The following ARHGEF18 variants were observed in gnomAD, a reference collection of about 807,000 sequenced individuals.
ARHGEF18 encodes rho guanine nucleotide exchange factor 18.
Under a neutral mutation model 155.7 loss-of-function variants are expected in ARHGEF18, and 93 were observed. The ratio of observed to expected loss-of-function variants is 0.60; its 90% CI spans 0.50 to 0.71. The LOEUF is 0.71. Among genes scored for constraint, ARHGEF18 ranks in the 30% least tolerant of loss-of-function variants. ARHGEF18 has a pLI of 0.00. For missense variants in ARHGEF18, 1,593 were observed against 1,816.1 expected (o/e 0.88, Z 2.23); for synonymous variants, 742 against 753.1 (o/e 0.99, Z 0.24).
the ARHGEF18 span, among the ~76,000 whole-genome samples, chr19:7,479,674 C>T: frequency 6.6e-6 from 1 of 152,236 alleles, no homozygotes; most frequent in African/African-American, 2.4e-5. Flanking sequence ...ATGCCCGAAA[C>T]AAGAATGCCG....
At chr19:7,391,353 A>T (rs1277345810) in intron 10 of ARHGEF18, among the ~76,000 whole-genome samples, 1 of 152,190 alleles carries the variant, frequency 6.6e-6, no homozygotes, top group African/African-American at 2.4e-5. Context: ...TAATTAGAGA[A>T]GGTGGGTCTC....
At chr19:7,465,270 T>G (rs1461439819) in intron 23 of ARHGEF18, among the ~76,000 whole-genome samples, 1 of 152,186 alleles carries the variant, frequency 6.6e-6, no homozygotes, top group Non-Finnish European at 1.5e-5. Context: ...GCAGGGCCTG[T>G]GTTCCCAGTC....
At chr19:7,383,539 T>C (rs1044677237) in intron 10 of ARHGEF18, among the ~76,000 whole-genome samples, 1 of 152,092 alleles carries the variant, frequency 6.6e-6, no homozygotes, top group African/African-American at 2.4e-5. Context: ...TATATTCCCT[T>C]GCACTTCTGG....
chr19:7,451,597 T>C (rs1261740907), intron 16 of ARHGEF18, among the ~76,000 whole-genome samples: 4 of 151,856 alleles, frequency 2.6e-5, no homozygotes, highest in Admixed American at 6.6e-5. Context: ...ATTTTTTTTT[T>C]AGAGATGGGG....
chr19:7,429,781 G>A (rs1973856725), intron 10 of ARHGEF18, among the ~76,000 whole-genome samples: 1 of 152,140 alleles, frequency 6.6e-6, no homozygotes, highest in Non-Finnish European at 1.5e-5. Flanking sequence ...CACAAGAGGG[G>A]CCCAGAGGGC....
Position 7,467,531 on chromosome 19 carries a change from G to A in ARHGEF18, c.3327G>A (p.Leu1109=). ...GGCTGGAGCAGGAGCGGGCCGAGCT[G>A]GAGCGCCAGCGCCAGGCCTACCAGC... The part of the protein sequence containing the change: ...RERLEQERAE[L]ERQRQAYQHD... The change falls in exon 26 of 29, where the codon CTG becomes CTA. Residue 1109 remains leucine (L), a synonymous_variant. Transcript: ENST00000668164. 1 of 1,444,898 alleles carries A rather than the reference G, an allele frequency of 6.9e-7. No homozygotes were observed. Among genetic ancestry groups the A allele is most frequent in the Non-Finnish European group, 9.0e-7 (1 of 1,110,424 alleles). 89.5% of individuals were successfully genotyped at this position (1,444,898 alleles called of 1,614,324 possible). A position where few individuals can be genotyped will look rare whatever the true frequency, so the allele number is the denominator to read the frequency against.
chr19:7,412,614 C>T (rs142355956), intron 10 of ARHGEF18, among the ~76,000 whole-genome samples: 2,040 of 151,534 alleles, frequency 0.013, 21 homozygotes, highest in African/African-American at 0.021. Flanking sequence ...TGGTGGCAGG[C>T]GCCTGTAATC....
chr19:7,476,147 C>T (rs923854909), downstream of ARHGEF18, among the ~76,000 whole-genome samples: 1 of 152,196 alleles, frequency 6.6e-6, no homozygotes, highest in African/African-American at 2.4e-5. Flanking sequence ...CCTGTCTCTA[C>T]AAAAAGTTTA....
chr19:7,431,162 A>G (rs1973936594), intron 10 of ARHGEF18, among the ~76,000 whole-genome samples: 1 of 152,006 alleles, frequency 6.6e-6, no homozygotes, highest in Non-Finnish European at 1.5e-5. Context: ...TCAAAACATA[A>G]AAAGATAAAA....
chr19:7,393,047 CAAAAAAAAAAAAAAAAA>C (rs60015151), intron 10 of ARHGEF18, among the ~76,000 whole-genome samples: 24 of 56,684 alleles, frequency 4.2e-4, no homozygotes, highest in Non-Finnish European at 5.2e-4. Flanking sequence ...GATCCTGTCT[CAAAAAAAAAAAAAAAAA>C]AAAAAAAAGG....
At chr19:7,391,646 A>G (rs1410695035) in intron 10 of ARHGEF18, among the ~76,000 whole-genome samples, 2 of 152,050 alleles carry the variant, frequency 1.3e-5, no homozygotes, top group Non-Finnish European at 1.5e-5. Context: ...GCCCAGGCCC[A>G]CTTCCTCCAG....
At chr19:7,441,790 G>A (rs766708151) in intron 12 of ARHGEF18, 25 bp downstream of exon 12, 7 of 1,613,566 alleles carry the variant, frequency 4.3e-6, no homozygotes, top group Admixed American at 1.7e-5. Flanking sequence ...GCTCTCTCGC[G>A]GCTGCCACAC....
chr19:7,476,754 C>G, downstream of ARHGEF18: 1 of 159,302 alleles, frequency 6.3e-6, no homozygotes. Context: ...AGAGGACCCA[C>G]CGGGCTGAGG....
chr19:7,395,196 C>T lies in ARHGEF18; in HGVS notation c.967+11993C>T. On this transcript the variant is annotated intron_variant, in intron 10 of 28. Coordinates refer to ENST00000668164, the MANE Select transcript of ARHGEF18 (RefSeq NM_001367823.1). This position sits in a 1 kb window ranked among gnomAD's most constrained non-coding sequence, Gnocchi z 5.0. The stretch of plus-strand genomic sequence containing the variant: ...CGGACGGAGGCATCGGAGGCGGCTG[C>T]GAGAGTGGCAGAGGAGCTGGCGGAG... 1.0e-6 allele frequency: 1 copy of T among 986,178 alleles called. No individual in the cohort carries two copies. The highest frequency in any genetic ancestry group is 1.2e-6 in the Non-Finnish European group (1 of 830,556). 61.1% of individuals were successfully genotyped at this position (986,178 alleles called of 1,614,324 possible). A position where few individuals can be genotyped will look rare whatever the true frequency, so the allele number is the denominator to read the frequency against.
rs533958390 is a variant in ARHGEF18, at chr19:7,460,422, C to T, written c.2452+428C>T. ...GAGATGTAATTCACACACCACAGCA[C>T]TCACCCTCCCAAGCGTGGGGTTCAG... On this transcript the variant is annotated intron_variant, in intron 20 of 28. Coordinates refer to ENST00000668164, the MANE Select transcript of ARHGEF18 (RefSeq NM_001367823.1). Among the ~76,000 whole-genome samples the T allele has an allele frequency of 2.5e-4, 38 of 152,282 alleles. 1 individual carries two copies. The highest frequency in any genetic ancestry group is 8.7e-4 in the African/African-American group (36 of 41,556).
At chr19:7,443,213 C>A (rs12982630) in intron 13 of ARHGEF18, among the ~76,000 whole-genome samples, 34,421 of 151,868 alleles carry the variant, frequency 0.23, 4,059 homozygotes, top group Admixed American at 0.24. Flanking sequence ...CCCACTGCCA[C>A]GCCCAGCTAA....
chr19:7,444,052 C>A lies in ARHGEF18; in HGVS notation c.1361-152C>A, dbSNP rs918915081. ...CCCGCAGCATTCTAAACCCTGGACA[C>A]CCTGGAAGTAAGAAAGATCCCAAAG... is the stretch of plus-strand genomic sequence containing the variant. On this transcript the variant is annotated intron_variant, in intron 13 of 28. Transcript: ENST00000668164. This position sits in a 1 kb window ranked among gnomAD's most constrained non-coding sequence, Gnocchi z 4.7. 1.0e-6 allele frequency: 1 copy of A among 986,914 alleles called. No individual in the cohort carries two copies. The highest frequency in any genetic ancestry group is 1.6e-5 in the African/African-American group (1 of 61,010). The allele number at this position is 986,914 out of a possible 1,614,324, so 61.1% of individuals were successfully genotyped here.
intron 10 of ARHGEF18, among the ~76,000 whole-genome samples, chr19:7,402,528 G>A (rs1003263120): frequency 7.2e-5 from 11 of 152,154 alleles, no homozygotes; most frequent in Non-Finnish European, 1.6e-4. Flanking sequence ...GAGTTGTGTG[G>A]TATGATAATT....
chr19:7,369,722 G>A (rs1042542104), intron 2 of ARHGEF18, among the ~76,000 whole-genome samples: 2 of 151,934 alleles, frequency 1.3e-5, no homozygotes, highest in African/African-American at 2.4e-5. Flanking sequence ...GTTTGAACCC[G>A]GGAGGCAGAT....
Sources: allele counts gnomAD v4.1 joint callset (sites outside exome capture counted in the v4.1 genomes callset), GRCh38; gene constraint gnomAD v4.1.1; non-coding constraint Gnocchi (gnomAD v3.1); transcripts MANE v1.5; gene names NCBI Gene and HGNC (gene_info 2026-07-23, HGNC 2026-07-21).